The following CD9 variants were observed in gnomAD, a reference collection of about 807,000 sequenced individuals.
CD9 encodes CD9 molecule, also known as CD9 antigen.
CD9 carries 10 observed loss-of-function variants against 31.4 expected under a neutral mutation model. The observed-to-expected ratio is 0.32, with a 90% CI of 0.20 to 0.54. The LOEUF is 0.54. CD9 is among the 20% of genes least tolerant of loss of function. The pLI is 0.94. For synonymous variants in CD9, 113 were observed against 114.1 expected (o/e 0.99, Z 0.06); for missense variants, 259 against 300.1 (o/e 0.86, Z 1.01).
Position 6,235,970 on chromosome 12 carries a change from T to A in CD9, c.538-222T>A, listed in dbSNP as rs1267297559. 13 of 1,413,814 alleles carry A rather than the reference T, an allele frequency of 9.2e-6. No individual in the cohort carries two copies. In the East Asian group the frequency reaches 1.8e-4, roughly 20 times the overall value. 87.6% of individuals were successfully genotyped at this position (1,413,814 alleles called of 1,614,324 possible). On this transcript the variant is annotated intron_variant, in intron 6 of 7. Coordinates refer to ENST00000009180, the MANE Select transcript of CD9 (RefSeq NM_001769.4). ...CCCAAGCAGGGCCTGTCCCTCCTCCTTCCCTGACGTCCTGCCCAGATTTTA... is the reference window on the plus strand; with the variant it reads ...CCCAAGCAGGGCCTGTCCCTCCTCCATCCCTGACGTCCTGCCCAGATTTTA...
chr12:6,231,075 C>G (rs1565428127), intron 2 of CD9, among the ~76,000 whole-genome samples: 1 of 152,168 alleles, frequency 6.6e-6, no homozygotes, highest in Non-Finnish European at 1.5e-5. Context: ...ATCGAGTGTC[C>G]TGCTGTGTAT....
At chr12:6,221,148 G>A (rs2136618819) in intron 1 of CD9, among the ~76,000 whole-genome samples, 2 of 152,136 alleles carry the variant, frequency 1.3e-5, no homozygotes, top group East Asian at 3.9e-4. Flanking sequence ...GAAATTTCCA[G>A]TAAAACAATG....
At position 6,236,108 on chromosome 12, in the gene CD9, G is replaced by A. The variant is rs11568290; in HGVS notation, c.538-84G>A. 7.0e-6 allele frequency: 11 copies of A among 1,578,738 alleles called. No homozygotes were observed. Among genetic ancestry groups the A allele is most frequent in the South Asian group, 2.3e-5 (2 of 85,646 alleles). On this transcript the variant is annotated intron_variant, in intron 6 of 7. Transcript: ENST00000009180. ...CCACCCTCTGCCCACCAGTTCTCCCGGGTGAGACGGGGGCCATGGGAGGGA... is the reference window on the plus strand; with the variant it reads ...CCACCCTCTGCCCACCAGTTCTCCCAGGTGAGACGGGGGCCATGGGAGGGA...
In CD9 at chr12:6,232,384, C is replaced by CT; in HGVS notation, c.176-247dup. The CT allele has an allele frequency of 3.5e-6, 2 of 572,412 alleles. No homozygotes were observed. Among genetic ancestry groups the CT allele is most frequent in the Non-Finnish European group, 6.2e-6 (2 of 320,036 alleles). The allele number at this position is 572,412 out of a possible 1,614,324, so 35.5% of individuals were successfully genotyped here. ...GGCTAATGGGCACCTTCCAGAAGGG[C>CT]TGAGGGTAAGGTAGGAGCGTGAGCT... is the stretch of plus-strand genomic sequence containing the variant. On this transcript the variant is annotated intron_variant, in intron 2 of 7. Transcript: ENST00000009180. The surrounding 1 kb of genome is among the most constrained non-coding windows in gnomAD (Gnocchi z 4.8).
chr12:6,233,692 C>T (rs1294143316), intron 4 of CD9, among the ~76,000 whole-genome samples: 1 of 152,144 alleles, frequency 6.6e-6, no homozygotes. Context: ...GAGATTGTGC[C>T]AGCCATGGTG....
intron 1 of CD9, among the ~76,000 whole-genome samples, chr12:6,218,083 T>C (rs11568223): frequency 0.036 from 5,412 of 152,140 alleles, 313 homozygotes; most frequent in African/African-American, 0.12. Flanking sequence ...AAAAATTAGC[T>C]GGGCGTGGTG....
chr12:6,201,987 A>T (rs1946083246), intron 1 of CD9, among the ~76,000 whole-genome samples: 1 of 152,200 alleles, frequency 6.6e-6, no homozygotes, highest in Admixed American at 6.5e-5. Flanking sequence ...GCGGTGAGTC[A>T]TGATTGCACC....
intron 1 of CD9, among the ~76,000 whole-genome samples, chr12:6,224,526 T>C (rs1275144810): frequency 6.6e-6 from 1 of 152,170 alleles, no homozygotes; most frequent in African/African-American, 2.4e-5. Context: ...CACCATGGGC[T>C]ATCAATAGCT....
intron 1 of CD9, among the ~76,000 whole-genome samples, chr12:6,210,199 C>T (rs577060251): frequency 9.1e-4 from 138 of 152,264 alleles, no homozygotes; most frequent in Admixed American, 2.0e-3. Context: ...GCAGAGGCTC[C>T]GGGTCCCACT....
chr12:6,211,090 C>G (rs1199142317), intron 1 of CD9, among the ~76,000 whole-genome samples: 1 of 152,190 alleles, frequency 6.6e-6, no homozygotes. Flanking sequence ...CCCGCCTTGG[C>G]CTCCCAAAGT....
In CD9 at chr12:6,229,801, T is replaced by C. The variant is rs61917081; in HGVS notation, c.176-2831T>C. ...TAAAGGACACGCTGGCATATGCTAC[T>C]GCTGCTACACCAGCCTTTCTTTTTT... is the stretch of plus-strand genomic sequence containing the variant. On this transcript the variant is annotated intron_variant, in intron 2 of 7. Coordinates refer to ENST00000009180, the MANE Select transcript of CD9 (RefSeq NM_001769.4). Among the ~76,000 whole-genome samples the C allele has an allele frequency of 7.8e-3, 1,170 of 150,960 alleles. 5 individuals carry two copies. Among genetic ancestry groups the C allele is most frequent in the Non-Finnish European group, 0.012 (821 of 67,832 alleles).
intron 1 of CD9, among the ~76,000 whole-genome samples, chr12:6,216,470 C>T (rs897605887): frequency 6.6e-6 from 1 of 152,198 alleles, no homozygotes; most frequent in South Asian, 2.1e-4. Flanking sequence ...AAGGTTTCCT[C>T]TCCTGCCCAA....
intron 1 of CD9, among the ~76,000 whole-genome samples, chr12:6,219,049 A>C (rs1457271361): frequency 6.6e-6 from 1 of 152,152 alleles, no homozygotes; most frequent in Non-Finnish European, 1.5e-5. Flanking sequence ...TGTGTCACCC[A>C]GGCTGGAGTG....
rs200846062 is a variant in CD9, at chr12:6,235,468, C to G, written c.448-8C>G. On this transcript the variant is annotated splice_polypyrimidine_tract_variant and splice_region_variant and intron_variant, in intron 5 of 7. Transcript: ENST00000009180. The stretch of plus-strand genomic sequence containing the variant: ...TCTCTCATCCCCATCCCTGCCTTCT[C>G]GCTGTAGTTGAACTGCTGTGGTTTG... The G allele has an allele frequency of 1.2e-6, 2 of 1,613,732 alleles. No homozygotes were observed. Among genetic ancestry groups the G allele is most frequent in the African/African-American group, 1.3e-5 (1 of 74,938 alleles).
chr12:6,199,949 C>T (rs1388533565), upstream of CD9: 1 of 152,238 alleles, frequency 6.6e-6, no homozygotes, highest in South Asian at 2.1e-4. Flanking sequence ...GCCCCTCACT[C>T]TGGCAGCAGG....
chr12:6,212,079 C>T (rs1946199411), intron 1 of CD9, among the ~76,000 whole-genome samples: 1 of 152,198 alleles, frequency 6.6e-6, no homozygotes, highest in Non-Finnish European at 1.5e-5. Flanking sequence ...TACGGAGTTC[C>T]TCATCCTCTG....
chr12:6,233,994 A>C (rs1050902303), intron 4 of CD9, among the ~76,000 whole-genome samples: 1 of 148,498 alleles, frequency 6.7e-6, no homozygotes, highest in African/African-American at 2.5e-5. Context: ...AAAGACATGA[A>C]ATTGATAAGG....
chr12:6,224,361 G>T (rs888030524), intron 1 of CD9, among the ~76,000 whole-genome samples: 5 of 152,090 alleles, frequency 3.3e-5, no homozygotes, highest in Non-Finnish European at 7.4e-5. Flanking sequence ...TTATGCTCCT[G>T]GGGGGTAGGT....
chr12:6,235,347 A>AC lies in CD9; in HGVS notation c.447+21dup. 1.9e-6 allele frequency: 3 copies of AC among 1,614,222 alleles called. No individual in the cohort carries two copies. Among genetic ancestry groups the AC allele is most frequent in the Non-Finnish European group, 2.5e-6 (3 of 1,180,034 alleles). On this transcript the variant is annotated intron_variant, in intron 5 of 7. Coordinates refer to ENST00000009180, the MANE Select transcript of CD9 (RefSeq NM_001769.4). ...TATGCGGTATGTCGCCTTGGCAAAG[A>AC]CACCCTCCTGCGCTTTCTCCGGATT...
Sources: allele counts gnomAD v4.1 joint callset (sites outside exome capture counted in the v4.1 genomes callset), GRCh38; gene constraint gnomAD v4.1.1; non-coding constraint Gnocchi (gnomAD v3.1); transcripts MANE v1.5; gene names NCBI Gene and HGNC (gene_info 2026-07-23, HGNC 2026-07-21).